PCDHGA4: variants seen among roughly 807,000 people sequenced by gnomAD.
PCDHGA4 encodes the protein protocadherin gamma-A4.
A neutral mutation model predicts 54.6 loss-of-function variants in PCDHGA4; 38 were observed. That is an observed-to-expected ratio of 0.70 (90% CI 0.54 to 0.91). The LOEUF (loss-of-function observed/expected upper bound fraction) is 0.91. Ranked by LOEUF, PCDHGA4 falls within the 40% of genes least tolerant of loss-of-function variation. PCDHGA4 has a pLI of 0.00. For missense variants in PCDHGA4, 1,298 were observed against 1,220.9 expected, an observed-to-expected ratio of 1.06 and a Z score of -0.94; for synonymous variants, 511 against 512.9, an observed-to-expected ratio of 1.00 and a Z score of 0.05.
chr5:141,391,875 T>C (rs2092433581), intron 1 of PCDHGA4: 2 of 152,212 alleles, frequency 1.3e-5, no homozygotes, highest in Non-Finnish European at 2.9e-5. Context: ...ATCATCTCTT[T>C]GGTGAAAGGG....
At chr5:141,419,918 G>C (rs370039875) in intron 1 of PCDHGA4, 30 of 1,613,978 alleles carry the variant, frequency 1.9e-5, no homozygotes, top group Non-Finnish European at 2.5e-5. Flanking sequence ...CTCCCAGGCT[G>C]AGATGCAGTT....
At chr5:141,408,076 A>C in intron 1 of PCDHGA4, 1 of 1,399,800 alleles carries the variant, frequency 7.1e-7, no homozygotes. Flanking sequence ...GACCTTTCCC[A>C]GCACAGCGGA....
At chr5:141,375,731 C>T (rs370856492) in intron 1 of PCDHGA4, 146 of 1,614,138 alleles carry the variant, frequency 9.0e-5, no homozygotes, top group Non-Finnish European at 1.2e-4. Context: ...GTCACTGAGC[C>T]TGTTTGTGCT....
chr5:141,440,535 G>C (rs1305958587), intron 1 of PCDHGA4: 1 of 152,154 alleles, frequency 6.6e-6, no homozygotes, highest in African/African-American at 2.4e-5. Flanking sequence ...CATGCACCAC[G>C]GTTCAGCAGG....
Position 141,355,618 on chromosome 5 carries a change from A to G in PCDHGA4, c.511A>G (p.Ile171Val), listed in dbSNP as rs1759917068. ...CAGTTTTGGGACAGAACAGAGGGAA[A>G]TAAAAGTTGCTGAAAATGAAAATCC... ...PPSFGTEQRE[I>V]KVAENENPGA... The change falls in exon 1 of 4, where the codon ATA becomes GTA. Residue 171 changes from isoleucine to valine, a missense_variant. Physicochemically the swap from Ile to Val is conservative, Grantham distance 29. Transcript: ENST00000571252. 6.2e-7 allele frequency: 1 copy of G among 1,613,896 alleles called. No homozygotes were observed. Among genetic ancestry groups the G allele is most frequent in the Admixed American group, 1.7e-5 (1 of 60,002 alleles).
At chr5:141,417,538 A>G (rs2154547037) in intron 1 of PCDHGA4, 2 of 297,748 alleles carry the variant, frequency 6.7e-6, no homozygotes, top group East Asian at 6.0e-5. Flanking sequence ...AGTTTAAAAA[A>G]AATTCCTTGA....
rs1759801275 is a variant in PCDHGA4 at position 141,355,330 on chromosome 5, G to A, written c.223G>A (p.Val75Met). The change falls in exon 1 of 4, where the codon GTG becomes ATG. Residue 75 changes from valine to methionine, a missense_variant. Transcript: ENST00000571252. The part of the protein sequence containing the change: ...SVFEEQEEGS[V>M]VGNIAKDLGL... The stretch of plus-strand genomic sequence containing the variant: ...GTTTGAGGAGCAGGAAGAAGGCTCA[G>A]TGGTGGGCAACATCGCCAAGGACCT... 2 of 1,614,036 alleles carry A rather than the reference G, an allele frequency of 1.2e-6. No individual in the cohort carries two copies. Among genetic ancestry groups the A allele is most frequent in the Non-Finnish European group, 1.7e-6 (2 of 1,179,916 alleles).
chr5:141,361,369 C>G (rs768974376), intron 1 of PCDHGA4: 3 of 1,613,948 alleles, frequency 1.9e-6, no homozygotes, highest in African/African-American at 1.3e-5. Context: ...CGCTCTGGAC[C>G]GGGAGGAGAT....
intron 1 of PCDHGA4, among the ~76,000 whole-genome samples, chr5:141,480,672 T>A (rs1053078255): frequency 2.0e-5 from 3 of 152,166 alleles, no homozygotes; most frequent in African/African-American, 7.2e-5. Context: ...CCTAGAGACC[T>A]TTTAAAAATT....
chr5:141,398,689 G>T, intron 1 of PCDHGA4: 1 of 1,613,766 alleles, frequency 6.2e-7, no homozygotes, highest in Non-Finnish European at 8.5e-7. Context: ...GAAACAGGAT[G>T]GTAGTAAATA....
chr5:141,488,113 T>C (rs1053996929), intron 1 of PCDHGA4, among the ~76,000 whole-genome samples: 1 of 152,084 alleles, frequency 6.6e-6, no homozygotes, highest in African/African-American at 2.4e-5. Flanking sequence ...ATTTGAAACA[T>C]AGAGACAGCA....
At chr5:141,392,896 G>C in intron 1 of PCDHGA4, 2 of 1,613,812 alleles carry the variant, frequency 1.2e-6, no homozygotes, top group South Asian at 1.1e-5. Flanking sequence ...GAAATCGGGA[G>C]GGGACAGATT....
intron 1 of PCDHGA4, chr5:141,388,609 TCA>T: frequency 6.2e-7 from 1 of 1,613,926 alleles, no homozygotes; most frequent in Non-Finnish European, 8.5e-7. Flanking sequence ...GCTCCAGTGT[TCA>T]GTCAAGACGT....
Position 141,376,812 on chromosome 5 carries a change from T to G in PCDHGA4, c.2514+19191T>G, listed in dbSNP as rs62378423. ...CGCCATTCTCCTGCCTCAGCCTCCC[T>G]AGTAGCTGGGACTACAGGCGCCCGC... On this transcript the variant is annotated intron_variant, in intron 1 of 3. Coordinates refer to ENST00000571252, the MANE Select transcript of PCDHGA4 (RefSeq NM_018917.4). 3.9e-4 allele frequency: 120 copies of G among 303,828 alleles called. 2 individuals carry two copies. In the South Asian group the frequency reaches 4.4e-3, roughly 11 times the overall value. The allele number at this position is 303,828 out of a possible 1,614,324, so 18.8% of individuals were successfully genotyped here.
In PCDHGA4 at chr5:141,431,059, C is replaced by G. The variant is rs367774626; in HGVS notation, c.2515-63748C>G. ...GGGAGGAGCTCTGTATGGGGGCCAT[C>G]AAGTGTCAATTAAATCTAGACATTC... On this transcript the variant is annotated intron_variant, in intron 1 of 3. Coordinates refer to ENST00000571252, the MANE Select transcript of PCDHGA4 (RefSeq NM_018917.4). This position sits in a 1 kb window ranked among gnomAD's most constrained non-coding sequence, Gnocchi z 4.8. 1 of 1,614,136 alleles carries G rather than the reference C, an allele frequency of 6.2e-7. No individual in the cohort carries two copies.
intron 1 of PCDHGA4, among the ~76,000 whole-genome samples, chr5:141,448,751 T>C (rs888567097): frequency 1.3e-5 from 2 of 151,804 alleles, no homozygotes; most frequent in South Asian, 4.2e-4. Context: ...CCATCCTGGC[T>C]AACACGGTGA....
intron 1 of PCDHGA4, chr5:141,394,966 G>C (rs758463890): frequency 1.9e-6 from 3 of 1,613,768 alleles, no homozygotes; most frequent in Admixed American, 3.3e-5. Context: ...AGGCTGAGGC[G>C]CTGGCACAAG....
At chr5:141,436,256 C>T (rs953463822) in intron 1 of PCDHGA4, among the ~76,000 whole-genome samples, 1 of 152,100 alleles carries the variant, frequency 6.6e-6, no homozygotes, top group South Asian at 2.1e-4. Context: ...TTATTCTGAC[C>T]TCTGCTCACC....
intron 1 of PCDHGA4, chr5:141,371,888 G>A (rs1464333099): frequency 1.2e-6 from 2 of 1,613,438 alleles, no homozygotes; most frequent in South Asian, 2.2e-5. Context: ...ACCTGGAGCC[G>A]CGGGAGCTGT....
Sources: allele counts gnomAD v4.1 joint callset (sites outside exome capture counted in the v4.1 genomes callset), GRCh38; gene constraint gnomAD v4.1.1; non-coding constraint Gnocchi (gnomAD v3.1); transcripts MANE v1.5; gene names NCBI Gene and HGNC (gene_info 2026-07-23, HGNC 2026-07-21).